Variants in ADAM20 observed in about 807,000 individuals in gnomAD.
ADAM20 encodes the protein ADAM metallopeptidase domain 20, also known as disintegrin and metalloproteinase domain-containing protein 20.
For missense variants in ADAM20, 871 were observed against 883.2 expected, an observed-to-expected ratio of 0.99 and a Z score of 0.18; for synonymous variants, 305 against 310.2, an observed-to-expected ratio of 0.98 and a Z score of 0.18.
At chr14:70,542,852 T>C in the ADAM20 span, among the ~76,000 whole-genome samples, 2 of 151,546 alleles carry the variant, frequency 1.3e-5, no homozygotes, top group African/African-American at 4.9e-5. Context: ...GGCAGGAGAA[T>C]CGCTTGAACC....
the ADAM20 span, among the ~76,000 whole-genome samples, chr14:70,564,834 G>A: frequency 6.9e-6 from 1 of 144,568 alleles, no homozygotes; most frequent in Non-Finnish European, 1.5e-5. Context: ...ACTGCTTGAA[G>A]CCAGGATTTT....
the ADAM20 span, among the ~76,000 whole-genome samples, chr14:70,567,206 TAGTGGAC>T: frequency 6.6e-6 from 1 of 151,802 alleles, no homozygotes; most frequent in African/African-American, 2.4e-5. Flanking sequence ...TGTAGATACC[TAGTGGAC>T]CTCTGCCCTG....
rs567945895 is a variant in ADAM20 at position 70,524,075 on chromosome 14, G to A, written c.683C>T (p.Thr228Ile). Residue 228 changes from threonine (T) to isoleucine (I), a missense_variant, in exon 2 of 2, where the codon ACA becomes ATA. By Grantham distance (89) the Thr-to-Ile change is moderately conservative. Transcript: ENST00000256389. ...IRYLFSQSNA[T>I]TVQHEVFNVV... ...GTTAAATACTTCATGCTGCACTGTTGTTGCATTACTTTGAGAGAAAAGATA... is the reference window on the plus strand; with the variant it reads ...GTTAAATACTTCATGCTGCACTGTTATTGCATTACTTTGAGAGAAAAGATA... 48 of 1,613,908 alleles carry A rather than the reference G, an allele frequency of 3.0e-5. No homozygotes were observed. In the East Asian group the frequency reaches 1.0e-3, roughly 34 times the overall value.
chr14:70,539,861 TA>T (rs1249179317), upstream of ADAM20, among the ~76,000 whole-genome samples: 1 of 152,140 alleles, frequency 6.6e-6, no homozygotes, highest in African/African-American at 2.4e-5. Flanking sequence ...AACTTAATAA[TA>T]AATGCTAGTA....
the ADAM20 span, among the ~76,000 whole-genome samples, chr14:70,572,131 G>A: frequency 5.3e-5 from 8 of 151,996 alleles, no homozygotes; most frequent in Non-Finnish European, 1.0e-4. Context: ...AAAAAATTAC[G>A]GAAACTTCAC....
the ADAM20 span, among the ~76,000 whole-genome samples, chr14:70,578,771 G>C: frequency 2.0e-5 from 3 of 152,112 alleles, no homozygotes; most frequent in African/African-American, 7.2e-5. Flanking sequence ...CTGAGGTTTG[G>C]ACTTCTAATG....
chr14:70,558,487 ATGTG>A, the ADAM20 span, among the ~76,000 whole-genome samples: 1 of 150,090 alleles, frequency 6.7e-6, no homozygotes, highest in Non-Finnish European at 1.5e-5. Flanking sequence ...ACATGTATGA[ATGTG>A]TGTGTGTGTG....
chr14:70,538,828 T>C (rs954112109), upstream of ADAM20, among the ~76,000 whole-genome samples: 33 of 152,230 alleles, frequency 2.2e-4, no homozygotes, highest in Non-Finnish European at 4.7e-4. Context: ...AGATGGAGTC[T>C]TGCTCTGTCA....
chr14:70,530,829 GC>G (rs949080735), intron 1 of ADAM20, among the ~76,000 whole-genome samples: 1 of 151,388 alleles, frequency 6.6e-6, no homozygotes, highest in African/African-American at 2.4e-5. Flanking sequence ...ATAGGATGCA[GC>G]AAAGCAGTCC....
In ADAM20 at chr14:70,522,693, C is replaced by G. The variant is rs753081896; in HGVS notation, c.2065G>C (p.Gly689Arg). ...AATAGTGACAGGTAACGCAACTTTC[C>G]CATCACATTTAATCCTTCCATGTTG... ...KNNMEGLNVMGKLRYLSLLCL... is the reference protein window; with the variant it reads ...KNNMEGLNVMRKLRYLSLLCL... Residue 689 changes from glycine to arginine, a missense_variant, in exon 2 of 2, where the codon GGA becomes CGA. Transcript: ENST00000256389. 6.2e-7 allele frequency: 1 copy of G among 1,613,974 alleles called. No homozygotes were observed. The highest frequency in any genetic ancestry group is 1.1e-5 in the South Asian group (1 of 91,076).
the ADAM20 span, among the ~76,000 whole-genome samples, chr14:70,563,037 C>G: frequency 6.6e-6 from 1 of 152,238 alleles, no homozygotes; most frequent in African/African-American, 2.4e-5. Flanking sequence ...TGACAACTTT[C>G]AATCAGCTTT....
At chr14:70,564,253 G>A in the ADAM20 span, among the ~76,000 whole-genome samples, 1 of 152,248 alleles carries the variant, frequency 6.6e-6, no homozygotes, top group Non-Finnish European at 1.5e-5. Flanking sequence ...CTTCAGGAGT[G>A]AGTGGGAAAA....
the ADAM20 span, among the ~76,000 whole-genome samples, chr14:70,562,857 G>A: frequency 6.6e-6 from 1 of 152,142 alleles, no homozygotes; most frequent in East Asian, 1.9e-4. Context: ...GTCTCAGGTA[G>A]TTCTTTATAG....
chr14:70,523,429 AG>A lies in ADAM20; in HGVS notation c.1328del (p.Pro443LeufsTer57), dbSNP rs778781332. The A allele has an allele frequency of 3.1e-5, 50 of 1,613,944 alleles. No individual in the cohort carries two copies. In the Admixed American group the frequency reaches 5.8e-4, roughly 19 times the overall value. ...PCCLLNCTLH[P>X]GAACAFGICC... ...ATATTCCAAAAGCACAAGCAGCCCC[AG>A]GATGTAGAGTACAGTTTAACAGACA... On this transcript the variant is annotated frameshift_variant, in exon 2 of 2. Coordinates refer to ENST00000256389, the MANE Select transcript of ADAM20 (RefSeq NM_003814.5). LOFTEE classifies it low-confidence loss of function (END_TRUNC).
chr14:70,570,123 CACCTCTTGAGT>C, the ADAM20 span, among the ~76,000 whole-genome samples: 1 of 150,808 alleles, frequency 6.6e-6, no homozygotes, highest in Non-Finnish European at 1.5e-5. Flanking sequence ...AATACACCCA[CACCTCTTGAGT>C]AAAGCAAAAG....
chr14:70,577,225 A>C, the ADAM20 span, among the ~76,000 whole-genome samples: 1 of 152,196 alleles, frequency 6.6e-6, no homozygotes, highest in African/African-American at 2.4e-5. Context: ...TAAAATCCTA[A>C]ACCAAATCTC....
chr14:70,566,966 G>C, the ADAM20 span, among the ~76,000 whole-genome samples: 2 of 151,968 alleles, frequency 1.3e-5, no homozygotes, highest in African/African-American at 2.4e-5. Flanking sequence ...TGGGCAACAA[G>C]AGCGATACTC....
chr14:70,527,087 T>C (rs778490688), intron 1 of ADAM20, among the ~76,000 whole-genome samples: 4 of 152,212 alleles, frequency 2.6e-5, no homozygotes, highest in Non-Finnish European at 5.9e-5. Flanking sequence ...TGAGTCTCAA[T>C]GTAAACTAAG....
At chr14:70,570,973 T>C in the ADAM20 span, among the ~76,000 whole-genome samples, 15 of 152,150 alleles carry the variant, frequency 9.9e-5, no homozygotes, top group Non-Finnish European at 1.8e-4. Flanking sequence ...ATCAATATTA[T>C]TCACCACACA....
Sources: allele counts gnomAD v4.1 joint callset (sites outside exome capture counted in the v4.1 genomes callset), GRCh38; gene constraint gnomAD v4.1.1; transcripts MANE v1.5; gene names NCBI Gene and HGNC (gene_info 2026-07-23, HGNC 2026-07-21).